The following ZNF469 variants were observed in gnomAD, a reference collection of about 807,000 sequenced individuals.
ZNF469 encodes the protein zinc finger protein 469.
ZNF469 carries 1 observed loss-of-function variant against 1.0 expected under a neutral mutation model. That is an observed-to-expected ratio of 1.00 (90% CI 0.35 to 4.73). ZNF469 has a LOEUF of 4.73. Ranked by LOEUF, ZNF469 falls within the 30% of genes most tolerant of loss-of-function variation. ZNF469 has a pLI of 0.16. For synonymous variants in ZNF469, 2,703 were observed against 2,363.4 expected (o/e 1.14, Z -4.17); for missense variants, 6,100 against 5,356.3 (o/e 1.14, Z -4.33).
At chr16:88,246,910 A>C in the ZNF469 span, among the ~76,000 whole-genome samples, 3 of 152,160 alleles carry the variant, frequency 2.0e-5, no homozygotes, top group South Asian at 6.2e-4. Flanking sequence ...TGAATGAGTC[A>C]ATCAGTGAAG....
the ZNF469 span, among the ~76,000 whole-genome samples, chr16:88,358,792 C>T: frequency 6.7e-6 from 1 of 149,382 alleles, no homozygotes; most frequent in South Asian, 2.1e-4. Flanking sequence ...GATCTCGGCT[C>T]ACTGCAAACT....
upstream of ZNF469, among the ~76,000 whole-genome samples, chr16:88,378,501 C>T (rs1599338739): frequency 6.6e-6 from 1 of 152,208 alleles, no homozygotes; most frequent in Admixed American, 6.5e-5. Flanking sequence ...CACCCAGGAG[C>T]CGTCCTCAGG....
At chr16:88,118,663 C>T in the ZNF469 span, among the ~76,000 whole-genome samples, 7 of 152,232 alleles carry the variant, frequency 4.6e-5, no homozygotes, top group Non-Finnish European at 8.8e-5. Flanking sequence ...CCCGACTCTA[C>T]GGCTTCCTTA....
At chr16:88,322,776 A>G in the ZNF469 span, among the ~76,000 whole-genome samples, 3 of 152,032 alleles carry the variant, frequency 2.0e-5, no homozygotes, top group East Asian at 1.9e-4. Flanking sequence ...GTGCCCACCC[A>G]CCTTCAGGAG....
At chr16:88,262,964 G>T in the ZNF469 span, among the ~76,000 whole-genome samples, 4 of 152,246 alleles carry the variant, frequency 2.6e-5, no homozygotes, top group African/African-American at 9.6e-5. The surrounding 1 kb of genome is among the most constrained non-coding windows in gnomAD (Gnocchi z 4.3). Context: ...CCTCTCAGTG[G>T]AGGAGCGTTT....
chr16:88,229,081 A>G, the ZNF469 span, among the ~76,000 whole-genome samples: 1 of 152,260 alleles, frequency 6.6e-6, no homozygotes, highest in Non-Finnish European at 1.5e-5. Context: ...AGACTTTTCC[A>G]AAACTTCAAA....
chr16:88,345,777 G>A, the ZNF469 span, among the ~76,000 whole-genome samples: 1 of 152,166 alleles, frequency 6.6e-6, no homozygotes, highest in Admixed American at 6.5e-5. Context: ...GAAGAAGGAG[G>A]GTTTTACGAG....
chr16:88,427,907 A>G lies in ZNF469; in HGVS notation c.437A>G (p.Gln146Arg). ...TPENPQLEAA[Q>R]LPEVDTPQGP... ...GAGAACCCACAGCTGGAGGCTGCCC[A>G]GCTCCCTGAGGTGGACACCCCCCAG... The change falls in exon 3 of 3, where the codon CAG becomes CGG. Residue 146 changes from glutamine (Q) to arginine (R), a missense_variant. By Grantham distance (43) the Gln-to-Arg change is conservative. Transcript: ENST00000565624. 1 of 1,549,766 alleles carries G rather than the reference A, an allele frequency of 6.5e-7. No individual in the cohort carries two copies. The highest frequency in any genetic ancestry group is 8.7e-7 in the Non-Finnish European group (1 of 1,146,814).
the ZNF469 span, among the ~76,000 whole-genome samples, chr16:88,229,822 G>A: frequency 2.6e-5 from 4 of 152,166 alleles, no homozygotes; most frequent in Admixed American, 2.0e-4. Flanking sequence ...ACTCTGCCCC[G>A]CTGTGGTCCA....
chr16:88,418,671 C>T (rs765616499), intron 1 of ZNF469, among the ~76,000 whole-genome samples: 3 of 152,252 alleles, frequency 2.0e-5, no homozygotes, highest in East Asian at 3.9e-4. Context: ...ACACCATTCC[C>T]CAGCCCCTCC....
chr16:88,130,951 A>T, the ZNF469 span, among the ~76,000 whole-genome samples: 14 of 152,308 alleles, frequency 9.2e-5, no homozygotes, highest in Admixed American at 2.6e-4. Flanking sequence ...CCCGATGAGG[A>T]CGAGGTGCCC....
At chr16:88,249,423 CTTTTTCTTTTTTTTTTTT>C in the ZNF469 span, among the ~76,000 whole-genome samples, 3 of 61,760 alleles carry the variant, frequency 4.9e-5, no homozygotes, top group Admixed American at 2.4e-4. Context: ...CTTTCTTTTT[CTTTTTCTTTTTTTTTTTT>C]TTTTTTTTTT....
At chr16:88,331,673 AC>A in the ZNF469 span, among the ~76,000 whole-genome samples, 2 of 151,818 alleles carry the variant, frequency 1.3e-5, no homozygotes, top group Admixed American at 1.3e-4. Flanking sequence ...CTTCATCACC[AC>A]CATCACTATT....
At chr16:88,127,857 C>T in the ZNF469 span, among the ~76,000 whole-genome samples, 3 of 152,350 alleles carry the variant, frequency 2.0e-5, no homozygotes, top group East Asian at 1.9e-4. Context: ...GTTTTGCTGT[C>T]TCCTCACCTC....
chr16:88,146,746 A>T, the ZNF469 span, among the ~76,000 whole-genome samples: 1 of 152,138 alleles, frequency 6.6e-6, no homozygotes, highest in African/African-American at 2.4e-5. Context: ...ATCCATTTGC[A>T]CCTGAGAGAA....
the ZNF469 span, among the ~76,000 whole-genome samples, chr16:88,277,691 G>A: frequency 3.2e-4 from 35 of 109,838 alleles, 1 homozygote; most frequent in African/African-American, 5.3e-4. Flanking sequence ...ATCAGTGCAC[G>A]GTTAGTGCTG....
At chr16:88,186,560 G>A in the ZNF469 span, among the ~76,000 whole-genome samples, 1 of 152,326 alleles carries the variant, frequency 6.6e-6, no homozygotes, top group Middle Eastern at 3.4e-3. Flanking sequence ...TGCTCCCAGA[G>A]GGGACCCGCA....
chr16:88,417,040 A>G (rs1218232453), intron 1 of ZNF469, among the ~76,000 whole-genome samples: 1 of 152,190 alleles, frequency 6.6e-6, no homozygotes, highest in African/African-American at 2.4e-5. Flanking sequence ...GAGGGCTGAC[A>G]GCTCCAAGAG....
Position 88,407,808 on chromosome 16 carries a change from C to G in ZNF469, c.-191-16999C>G, listed in dbSNP as rs115428383. On this transcript the variant is annotated intron_variant, in intron 1 of 2. Transcript: ENST00000565624. The stretch of plus-strand genomic sequence containing the variant: ...CTGTGAGTTGGGGGCATGGGCATCT[C>G]CTGTGGAGCCCTGCTGGTGCCCACT... Among the ~76,000 whole-genome samples the G allele has an allele frequency of 3.9e-3, 598 of 152,378 alleles. 4 individuals carry two copies. Among genetic ancestry groups the G allele is most frequent in the African/African-American group, 0.014 (575 of 41,588 alleles).
Sources: gnomAD v4.1 joint callset for allele counts (sites outside exome capture counted in the v4.1 genomes callset) on GRCh38, gnomAD v4.1.1 for gene constraint, Gnocchi (gnomAD v3.1) non-coding constraint, MANE v1.5 for transcripts, NCBI Gene and HGNC (gene_info 2026-07-23, HGNC 2026-07-21) for gene names.